ABTB2: variants seen among roughly 807,000 people sequenced by gnomAD.
The protein encoded by ABTB2 is ankyrin repeat and BTB domain containing 2, also known as ankyrin repeat and BTB/POZ domain-containing protein 2.
A neutral mutation model predicts 104.1 loss-of-function variants in ABTB2; 56 were observed. The ratio of observed to expected loss-of-function variants is 0.54; its 90% CI spans 0.43 to 0.67. The LOEUF (loss-of-function observed/expected upper bound fraction) is 0.67. ABTB2 is among the 30% of genes least tolerant of loss of function. The pLI is 0.00. For synonymous variants in ABTB2, 606 were observed against 608.2 expected (o/e 1.00, Z 0.05); for missense variants, 1,279 against 1,407.7 (o/e 0.91, Z 1.46).
At chr11:34,258,700 C>T (rs1854154054) in intron 1 of ABTB2, among the ~76,000 whole-genome samples, 1 of 151,142 alleles carries the variant, frequency 6.6e-6, no homozygotes, top group South Asian at 2.1e-4. Context: ...CAACCTCCAC[C>T]TCCTGGGCTC....
At chr11:34,207,732 G>C (rs539027595) in intron 1 of ABTB2, among the ~76,000 whole-genome samples, 1 of 152,232 alleles carries the variant, frequency 6.6e-6, no homozygotes, top group East Asian at 1.9e-4. Flanking sequence ...GTCAGAAACG[G>C]AACAGGGACT....
intron 1 of ABTB2, among the ~76,000 whole-genome samples, chr11:34,220,534 A>C (rs1853607851): frequency 6.6e-6 from 1 of 152,180 alleles, no homozygotes; most frequent in African/African-American, 2.4e-5. Context: ...GTGCAGCAGC[A>C]GCCACTGTGT....
intron 1 of ABTB2, among the ~76,000 whole-genome samples, chr11:34,274,891 G>T (rs1302020812): frequency 1.3e-5 from 2 of 152,170 alleles, no homozygotes; most frequent in Non-Finnish European, 2.9e-5. Flanking sequence ...CTCAGGCAGA[G>T]GTTGCCAGCC....
In ABTB2 at chr11:34,154,552, G is replaced by T; in HGVS notation, c.2766+149C>A. 1 of 883,680 alleles carries T rather than the reference G, an allele frequency of 1.1e-6. No homozygotes were observed. 54.7% of individuals were successfully genotyped at this position (883,680 alleles called of 1,614,324 possible). On this transcript the variant is annotated intron_variant, in intron 15 of 16. Transcript: ENST00000435224. This position sits in a 1 kb window ranked among gnomAD's most constrained non-coding sequence, Gnocchi z 4.9. The stretch of plus-strand genomic sequence containing the variant: ...CCGCTGGGACACGCACTGAGGCTGG[G>T]CTCAGTGGTGTGCACAGTTCCTCTT...
intron 1 of ABTB2, among the ~76,000 whole-genome samples, chr11:34,248,893 G>A (rs1314622568): frequency 6.6e-6 from 1 of 152,238 alleles, no homozygotes; most frequent in African/African-American, 2.4e-5. Flanking sequence ...CACTTTGGGA[G>A]GCCAAGGCGG....
At chr11:34,189,717 T>C (rs551469926) in intron 3 of ABTB2, among the ~76,000 whole-genome samples, 1 of 152,284 alleles carries the variant, frequency 6.6e-6, no homozygotes, top group African/African-American at 2.4e-5. Context: ...GCCCATGCCA[T>C]TCACCTCTCC....
chr11:34,339,902 T>C (rs2133122443), intron 1 of ABTB2, among the ~76,000 whole-genome samples: 1 of 152,242 alleles, frequency 6.6e-6, no homozygotes, highest in South Asian at 2.1e-4. Flanking sequence ...ACTGTTTGAC[T>C]GGGTGGTGCT....
chr11:34,333,372 T>G (rs74725743), intron 1 of ABTB2, among the ~76,000 whole-genome samples: 1 of 152,150 alleles, frequency 6.6e-6, no homozygotes, highest in Non-Finnish European at 1.5e-5. Flanking sequence ...CTGGTCTTTA[T>G]GCATCCCAAT....
intron 5 of ABTB2, among the ~76,000 whole-genome samples, chr11:34,169,874 G>C (rs1852846227): frequency 1.3e-5 from 2 of 152,150 alleles, no homozygotes; most frequent in Admixed American, 1.3e-4. Flanking sequence ...CTTCCAGCAG[G>C]AAGCTTCCCC....
intron 14 of ABTB2, among the ~76,000 whole-genome samples, chr11:34,156,709 A>G (rs908019117): frequency 2.0e-5 from 3 of 151,950 alleles, no homozygotes; most frequent in African/African-American, 7.3e-5. Context: ...TTTTTAGTAG[A>G]GATACGGTTT....
chr11:34,332,105 C>T (rs1024856338), intron 1 of ABTB2, among the ~76,000 whole-genome samples: 3 of 152,190 alleles, frequency 2.0e-5, no homozygotes, highest in Non-Finnish European at 2.9e-5. Context: ...TTACAACTGC[C>T]TGTTTGATTC....
At chr11:34,290,972 A>G (rs1854560013) in intron 1 of ABTB2, among the ~76,000 whole-genome samples, 1 of 152,268 alleles carries the variant, frequency 6.6e-6, no homozygotes, top group Non-Finnish European at 1.5e-5. Context: ...CATTCATTTA[A>G]GACCAACTGA....
chr11:34,334,973 A>C, intron 1 of ABTB2: 1 of 510,246 alleles, frequency 2.0e-6, no homozygotes, highest in Non-Finnish European at 3.5e-6. Context: ...TTAAAATCCC[A>C]TATCACTTAC....
chr11:34,240,001 G>A (rs1274319698), intron 1 of ABTB2, among the ~76,000 whole-genome samples: 4 of 152,206 alleles, frequency 2.6e-5, no homozygotes, highest in Admixed American at 1.3e-4. Context: ...GTCAGGTGGA[G>A]TTTCTTATTT....
At chr11:34,186,447 G>A (rs1853100528) in intron 3 of ABTB2, among the ~76,000 whole-genome samples, 2 of 152,194 alleles carry the variant, frequency 1.3e-5, no homozygotes, top group Admixed American at 6.5e-5. Context: ...GCTTCGCCTC[G>A]GAAGCAGGCT....
intron 1 of ABTB2, among the ~76,000 whole-genome samples, chr11:34,311,816 G>C (rs546158597): frequency 6.6e-6 from 1 of 152,204 alleles, no homozygotes; most frequent in African/African-American, 2.4e-5. Context: ...CTCTGCTGGA[G>C]CAGGACTTCT....
intron 4 of ABTB2, among the ~76,000 whole-genome samples, chr11:34,172,599 G>A (rs1852898686): frequency 6.6e-6 from 1 of 151,904 alleles, no homozygotes; most frequent in African/African-American, 2.4e-5. Flanking sequence ...AGGCTTGGAG[G>A]CCGTATGGAC....
At chr11:34,308,517 A>G (rs72914579) in intron 1 of ABTB2, among the ~76,000 whole-genome samples, 2 of 152,146 alleles carry the variant, frequency 1.3e-5, no homozygotes, top group Admixed American at 1.3e-4. Flanking sequence ...AAGAATACTC[A>G]TGGATCTTGA....
chr11:34,298,695 C>CGAGT (rs1854658849), intron 1 of ABTB2, among the ~76,000 whole-genome samples: 4 of 152,198 alleles, frequency 2.6e-5, no homozygotes, highest in Admixed American at 1.3e-4. Flanking sequence ...CTCCCGGCCT[C>CGAGT]GAGTGATCTG....
Sources: gnomAD v4.1 joint callset for allele counts (sites outside exome capture counted in the v4.1 genomes callset) on GRCh38, gnomAD v4.1.1 for gene constraint, Gnocchi (gnomAD v3.1) non-coding constraint, MANE v1.5 for transcripts, NCBI Gene and HGNC (gene_info 2026-07-23, HGNC 2026-07-21) for gene names.